EGF: variants seen among roughly 807,000 people sequenced by gnomAD.
The protein encoded by EGF is pro-epidermal growth factor.
A neutral mutation model predicts 143.8 loss-of-function variants in EGF; 95 were observed. The observed-to-expected ratio is 0.66, with a 90% CI of 0.56 to 0.78. EGF has a LOEUF of 0.78. Ranked by LOEUF, EGF falls within the 30% of genes least tolerant of loss-of-function variation. The pLI, the probability that EGF is intolerant of heterozygous loss-of-function variation, is 0.00. For synonymous variants in EGF, 510 were observed against 510.5 expected, an observed-to-expected ratio of 1.00 and a Z score of 0.01; for missense variants, 1,320 against 1,470.9, an observed-to-expected ratio of 0.90 and a Z score of 1.68.
In EGF at chr4:110,004,553, G is replaced by C; in HGVS notation, c.3222G>C (p.Ser1074=). 1 of 1,614,028 alleles carries C rather than the reference G, an allele frequency of 6.2e-7. No homozygotes were observed. The highest frequency in any genetic ancestry group is 8.5e-7 in the Non-Finnish European group (1 of 1,179,944). Residue 1074 remains serine (S), a synonymous_variant, in exon 22 of 24, where the codon TCG becomes TCC. Coordinates refer to ENST00000265171, the MANE Select transcript of EGF (RefSeq NM_001963.6). The part of the protein sequence containing the change: ...SKNPKNPYEE[S]SRDVRSRRPA... Reference sequence around the variant, plus strand: ...ACCCAAAGAATCCTTATGAGGAGTCGAGCAGAGATGTGAGGAGTCGCAGGC... The same window carrying C: ...ACCCAAAGAATCCTTATGAGGAGTCCAGCAGAGATGTGAGGAGTCGCAGGC...
chr4:109,991,068 A>G (rs1436329831), intron 18 of EGF, among the ~76,000 whole-genome samples: 1 of 152,166 alleles, frequency 6.6e-6, no homozygotes, highest in African/African-American at 2.4e-5. Context: ...CTGAGGTTTC[A>G]CTTCTCCAGT....
chr4:109,970,650 C>T (rs974287044), intron 11 of EGF, among the ~76,000 whole-genome samples: 15 of 151,872 alleles, frequency 9.9e-5, no homozygotes, highest in Non-Finnish European at 1.9e-4. Context: ...CATGGTGAAA[C>T]CCCGTCTCTA....
chr4:109,991,192 A>G (rs1374788170), intron 18 of EGF, among the ~76,000 whole-genome samples: 3 of 148,686 alleles, frequency 2.0e-5, no homozygotes, highest in Non-Finnish European at 4.4e-5. Flanking sequence ...TTATGTATTC[A>G]AATATATCCA....
intron 15 of EGF, among the ~76,000 whole-genome samples, chr4:109,981,766 TG>T (rs1749401840): frequency 6.6e-6 from 1 of 152,220 alleles, no homozygotes; most frequent in Non-Finnish European, 1.5e-5. Flanking sequence ...AATTTACTTA[TG>T]TTTTTCCTCT....
intron 5 of EGF, 53 bp from the exon 6 acceptor site, chr4:109,959,259 G>A (rs879387941): frequency 6.2e-7 from 1 of 1,611,734 alleles, no homozygotes; most frequent in Admixed American, 1.7e-5. Flanking sequence ...AGATTTAGCA[G>A]TGTCCTCTGT....
intron 15 of EGF, among the ~76,000 whole-genome samples, chr4:109,982,461 G>A (rs1578338115): frequency 6.6e-6 from 1 of 151,988 alleles, no homozygotes; most frequent in African/African-American, 2.4e-5. Flanking sequence ...CCGAGTAGCT[G>A]GGATTACAGG....
At chr4:109,983,697 A>G (rs1683042126) in intron 16 of EGF, among the ~76,000 whole-genome samples, 156 bp downstream of exon 16, 1 of 152,234 alleles carries the variant, frequency 6.6e-6, no homozygotes, top group African/African-American at 2.4e-5. Context: ...CTTCTGAATG[A>G]TGTGCCTGAG....
At chr4:109,913,583 T>A in intron 1 of EGF, 121 bp downstream of exon 1, 1 of 1,444,224 alleles carries the variant, frequency 6.9e-7, no homozygotes, top group Non-Finnish European at 9.4e-7. Flanking sequence ...TATAGTTGCT[T>A]AATTTTTGTT....
chr4:110,000,160 AG>A (rs1430276459), intron 21 of EGF, among the ~76,000 whole-genome samples: 1 of 150,602 alleles, frequency 6.6e-6, no homozygotes, highest in Non-Finnish European at 1.5e-5. Flanking sequence ...CTGAGGCATG[AG>A]AATTACTTGA....
In EGF at chr4:109,980,029, T is replaced by C; in HGVS notation, c.2111T>C (p.Met704Thr). The C allele has an allele frequency of 3.1e-6, 5 of 1,614,114 alleles. No individual in the cohort carries two copies. Among genetic ancestry groups the C allele is most frequent in the Non-Finnish European group, 4.2e-6 (5 of 1,179,970 alleles). Residue 704 changes from methionine (M) to threonine (T), a missense_variant, in exon 14 of 24, where the codon ATG becomes ACG. Transcript: ENST00000265171. Reference protein sequence around the residue: ...EDYVWFSDWAMPSVMRVNKRT... With the variant: ...EDYVWFSDWATPSVMRVNKRT... ...TATGTGTGGTTCTCAGATTGGGCTA[T>C]GCCATCAGTAATGAGAGTAAACAAG...
chr4:109,943,136 G>A, intron 2 of EGF, 118 bp from the exon 3 acceptor site: 2 of 689,930 alleles, frequency 2.9e-6, no homozygotes, highest in Non-Finnish European at 4.6e-6. Flanking sequence ...AAACAATTTT[G>A]GAACTGCATA....
chr4:110,011,056 A>G, intron 23 of EGF, 146 bp from the exon 24 acceptor site: 1 of 937,860 alleles, frequency 1.1e-6, no homozygotes, highest in Non-Finnish European at 1.6e-6. Flanking sequence ...AAAAAAGAGA[A>G]AAAAATGTGT....
At position 110,011,688 on chromosome 4, in the gene EGF, A is replaced by G; in HGVS notation, c.*233A>G. ...TGGGAGAATCACTAGGTAACTTATT[A>G]GAAACCCAAATTGGGACAACAGTGC... is the stretch of plus-strand genomic sequence containing the variant. On this transcript the variant is annotated 3_prime_UTR_variant, in exon 24 of 24. Coordinates refer to ENST00000265171, the MANE Select transcript of EGF (RefSeq NM_001963.6). 1.7e-6 allele frequency: 1 copy of G among 605,982 alleles called. No individual in the cohort carries two copies. Among genetic ancestry groups the G allele is most frequent in the Non-Finnish European group, 2.8e-6 (1 of 355,050 alleles). The allele number at this position is 605,982 out of a possible 1,614,324, so 37.5% of individuals were successfully genotyped here.
At chr4:109,974,510 A>G (rs1209725494) in intron 11 of EGF, among the ~76,000 whole-genome samples, 193 bp from the exon 12 acceptor site, 1 of 152,160 alleles carries the variant, frequency 6.6e-6, no homozygotes, top group Non-Finnish European at 1.5e-5. Context: ...CAAATATAAA[A>G]TTTGTGGGCT....
At chr4:109,964,261 A>C in intron 9 of EGF, 140 bp from the exon 10 acceptor site, 1 of 1,191,060 alleles carries the variant, frequency 8.4e-7, no homozygotes, top group Non-Finnish European at 1.2e-6. Context: ...GTCTTCACCT[A>C]TACCACACTA....
chr4:109,950,297 C>A (rs191077941), intron 5 of EGF, among the ~76,000 whole-genome samples: 8 of 152,296 alleles, frequency 5.3e-5, no homozygotes, highest in Admixed American at 3.9e-4. Flanking sequence ...TCTACCGCAT[C>A]TCCCAAAGCG....
At chr4:110,001,892 G>A in intron 21 of EGF, 1 of 985,276 alleles carries the variant, frequency 1.0e-6, no homozygotes, top group Middle Eastern at 5.2e-4. Flanking sequence ...TGAATCTATG[G>A]TTATTTACCT....
chr4:109,943,749 GC>G, intron 3 of EGF, 92 bp from the exon 4 acceptor site: 1 of 1,057,078 alleles, frequency 9.5e-7, no homozygotes, highest in African/African-American at 1.6e-5. Context: ...AGTCAAACTT[GC>G]CCTGTGAAGG....
At chr4:109,915,148 A>G (rs570466306) in intron 1 of EGF, among the ~76,000 whole-genome samples, 2 of 152,324 alleles carry the variant, frequency 1.3e-5, no homozygotes, top group African/African-American at 4.8e-5. Flanking sequence ...AATAAACATG[A>G]AACCCAGGAT....
Sources: gnomAD v4.1 joint callset for allele counts (sites outside exome capture counted in the v4.1 genomes callset) on GRCh38, gnomAD v4.1.1 for gene constraint, MANE v1.5 for transcripts, NCBI Gene and HGNC (gene_info 2026-07-23, HGNC 2026-07-21) for gene names.